Variants in CTNNA2 observed in about 807,000 individuals in gnomAD.
The protein encoded by CTNNA2 is catenin alpha-2.
In CTNNA2, 42 loss-of-function variants were observed where a neutral mutation model predicts 101.0. That is an observed-to-expected ratio of 0.42 (90% CI 0.32 to 0.54). CTNNA2 has a LOEUF of 0.54. CTNNA2 is among the 20% of genes least tolerant of loss of function. The pLI, the probability that CTNNA2 is intolerant of heterozygous loss-of-function variation, is 0.14. For missense variants in CTNNA2, 871 were observed against 1,223.1 expected, an observed-to-expected ratio of 0.71 and a Z score of 4.29; for synonymous variants, 450 against 456.4, an observed-to-expected ratio of 0.99 and a Z score of 0.18.
chr2:79,193,164 C>A (rs534721685), intron 1 of CTNNA2, among the ~76,000 whole-genome samples: 1 of 152,204 alleles, frequency 6.6e-6, no homozygotes, highest in East Asian at 1.9e-4. Context: ...GATTTATCCA[C>A]ATGTATGATA....
intron 15 of CTNNA2, among the ~76,000 whole-genome samples, chr2:80,598,002 T>C (rs1271570542): frequency 6.6e-6 from 1 of 152,176 alleles, no homozygotes; most frequent in Non-Finnish European, 1.5e-5. Context: ...GACACTTGCA[T>C]ATATGTATGT....
intron 1 of CTNNA2, among the ~76,000 whole-genome samples, chr2:79,640,812 A>G (rs1680400703): frequency 1.3e-5 from 2 of 152,212 alleles, no homozygotes; most frequent in Non-Finnish European, 2.9e-5. Context: ...ACAGAAAATA[A>G]ATGAAAAACT....
intron 2 of CTNNA2, among the ~76,000 whole-genome samples, chr2:79,655,845 T>C (rs889750407): frequency 6.8e-6 from 1 of 147,206 alleles, no homozygotes; most frequent in Non-Finnish European, 1.5e-5. Flanking sequence ...AAAAAAAAAA[T>C]GTCTTTTTCA....
At position 80,068,678 on chromosome 2, in the gene CTNNA2, C is replaced by T. The variant is rs182765865; in HGVS notation, c.1056+158881C>T. On this transcript the variant is annotated intron_variant, in intron 7 of 18. Transcript: ENST00000402739. ...TCATTTTTAACTTTTCTCTTAATAA[C>T]TTGAGAGTTGGAGAGTGAGGGTAGG... Among the ~76,000 whole-genome samples the T allele has an allele frequency of 2.3e-3, 357 of 152,216 alleles. 1 individual carries two copies. Among genetic ancestry groups the T allele is most frequent in the Non-Finnish European group, 3.9e-3 (263 of 68,014 alleles).
intron 4 of CTNNA2, among the ~76,000 whole-genome samples, chr2:79,489,001 T>C (rs536169337): frequency 1.3e-5 from 2 of 152,310 alleles, no homozygotes; most frequent in South Asian, 2.1e-4. Flanking sequence ...CTCTATAGCA[T>C]GGAACCAGGC....
chr2:79,435,028 A>T lies in CTNNA2; in HGVS notation c.-135+61015A>T, dbSNP rs535584566. ...TCAATGAAACCAAATTCTGTAACTAACCATAGTGCCTACATTCTACTTGTA... is the reference window on the plus strand; with the variant it reads ...TCAATGAAACCAAATTCTGTAACTATCCATAGTGCCTACATTCTACTTGTA... On this transcript the variant is annotated intron_variant, in intron 4 of 21. Coordinates refer to the CTNNA2 transcript ENST00000466387. Among the ~76,000 whole-genome samples the T allele has an allele frequency of 2.0e-5, 3 of 152,104 alleles. No homozygotes were observed. In the South Asian group the frequency reaches 6.2e-4, roughly 32 times the overall value.
At chr2:79,441,473 C>A (rs10496227) in intron 4 of CTNNA2, among the ~76,000 whole-genome samples, 28,145 of 152,068 alleles carry the variant, frequency 0.19, 2,689 homozygotes, top group Middle Eastern at 0.3. Flanking sequence ...CATCATATAC[C>A]CAGGGACTGA....
At chr2:80,364,494 AG>A (rs1227125359) in intron 7 of CTNNA2, among the ~76,000 whole-genome samples, 2 of 151,182 alleles carry the variant, frequency 1.3e-5, no homozygotes, top group Non-Finnish European at 2.9e-5. Flanking sequence ...GTGTAATTTC[AG>A]TTTGTGTATT....
At chr2:80,271,959 C>CT (rs1673526928) in intron 7 of CTNNA2, among the ~76,000 whole-genome samples, 1 of 152,154 alleles carries the variant, frequency 6.6e-6, no homozygotes, top group African/African-American at 2.4e-5. Context: ...TGCTTTCTGC[C>CT]TTGTAGGTGG....
At chr2:79,829,414 C>CACACACACACACAG (rs1193420009) in intron 3 of CTNNA2, among the ~76,000 whole-genome samples, 2 of 120,850 alleles carry the variant, frequency 1.7e-5, no homozygotes, top group Admixed American at 1.6e-4. Flanking sequence ...CACACACACA[C>CACACACACACACAG]AGACACAAAG....
chr2:79,504,219 G>GT (rs966170807), intron 4 of CTNNA2, among the ~76,000 whole-genome samples: 35 of 150,890 alleles, frequency 2.3e-4, no homozygotes, highest in East Asian at 3.9e-4. Context: ...GTGAACTACT[G>GT]TTTTTTTTTC....
chr2:79,642,212 CTTCT>C (rs1233162014), intron 1 of CTNNA2, among the ~76,000 whole-genome samples: 4 of 152,272 alleles, frequency 2.6e-5, no homozygotes, highest in Non-Finnish European at 1.5e-5. Context: ...TTCAGCAGCA[CTTCT>C]TTGAGTGTTT....
intron 7 of CTNNA2, among the ~76,000 whole-genome samples, chr2:80,329,108 C>T (rs1671085119): frequency 6.6e-6 from 1 of 152,166 alleles, no homozygotes; most frequent in African/African-American, 2.4e-5. Context: ...AAAATATTTG[C>T]AGAAAGTTCC....
intron 7 of CTNNA2, among the ~76,000 whole-genome samples, chr2:79,972,635 G>A (rs1218871462): frequency 6.6e-6 from 1 of 152,152 alleles, no homozygotes; most frequent in Non-Finnish European, 1.5e-5. Flanking sequence ...AGCTGCGGGT[G>A]TCTGGATTAA....
intron 2 of CTNNA2, among the ~76,000 whole-genome samples, chr2:79,682,768 T>C (rs1683670002): frequency 6.6e-6 from 1 of 152,178 alleles, no homozygotes; most frequent in Non-Finnish European, 1.5e-5. Context: ...TAGATACATA[T>C]ATGTGCTTTG....
chr2:80,068,731 C>A (rs1698137037), intron 7 of CTNNA2, among the ~76,000 whole-genome samples: 1 of 152,126 alleles, frequency 6.6e-6, no homozygotes, highest in Admixed American at 6.5e-5. Context: ...GAAACAGTGA[C>A]TGGCCAGTTT....
At chr2:80,644,061 C>G (rs931294961) in intron 18 of CTNNA2, among the ~76,000 whole-genome samples, 4 of 152,118 alleles carry the variant, frequency 2.6e-5, no homozygotes, top group Non-Finnish European at 5.9e-5. Context: ...AAAAACAAGA[C>G]CTGAGAGATC....
intron 7 of CTNNA2, among the ~76,000 whole-genome samples, chr2:80,206,063 T>C (rs1388089630): frequency 1.3e-5 from 2 of 152,246 alleles, no homozygotes; most frequent in Non-Finnish European, 1.5e-5. Flanking sequence ...TGTTTTCTTT[T>C]CACAGCTGCC....
intron 2 of CTNNA2, among the ~76,000 whole-genome samples, chr2:79,712,834 A>G (rs1169336047): frequency 2.0e-5 from 3 of 152,200 alleles, no homozygotes; most frequent in Non-Finnish European, 4.4e-5. Flanking sequence ...GAATTTGTGG[A>G]TGCAGTCTTA....
Sources: gnomAD v4.1 joint callset for allele counts (sites outside exome capture counted in the v4.1 genomes callset) on GRCh38, gnomAD v4.1.1 for gene constraint, MANE v1.5 for transcripts, NCBI Gene and HGNC (gene_info 2026-07-23, HGNC 2026-07-21) for gene names.